NXPE2: variants seen among roughly 807,000 people sequenced by gnomAD.
NXPE2 encodes NXPE family member 2.
A neutral mutation model predicts 34.4 loss-of-function variants in NXPE2; 34 were observed. That is an observed-to-expected ratio of 0.99 (90% CI 0.75 to 1.31). The LOEUF (loss-of-function observed/expected upper bound fraction) is 1.31. NXPE2 is among the 40% of genes most tolerant of loss of function. NXPE2 has a pLI of 0.00. For synonymous variants in NXPE2, 235 were observed against 231.3 expected, an observed-to-expected ratio of 1.02 and a Z score of -0.15; for missense variants, 649 against 672.5, an observed-to-expected ratio of 0.97 and a Z score of 0.39.
the NXPE2 span, among the ~76,000 whole-genome samples, chr11:114,723,925 TCTC>T: frequency 4.6e-5 from 7 of 152,172 alleles, no homozygotes; most frequent in Non-Finnish European, 1.0e-4. Context: ...AACCGAACCC[TCTC>T]CTATTTTGCT....
the NXPE2 span, among the ~76,000 whole-genome samples, chr11:114,627,066 G>T: frequency 6.6e-6 from 1 of 152,040 alleles, no homozygotes; most frequent in Non-Finnish European, 1.5e-5. Flanking sequence ...AAGTGACGGG[G>T]TGAATGGAAC....
chr11:114,560,425 C>T, the NXPE2 span, among the ~76,000 whole-genome samples: 1 of 151,754 alleles, frequency 6.6e-6, no homozygotes, highest in Non-Finnish European at 1.5e-5. Context: ...CCACACCTGG[C>T]TAATATTTTT....
chr11:114,811,718 G>C, the NXPE2 span, among the ~76,000 whole-genome samples: 1 of 152,286 alleles, frequency 6.6e-6, no homozygotes, highest in Admixed American at 6.5e-5. Flanking sequence ...CAGGATCCAG[G>C]CACCAATACT....
the NXPE2 span, among the ~76,000 whole-genome samples, chr11:114,633,506 A>G: frequency 6.6e-6 from 1 of 150,718 alleles, no homozygotes; most frequent in African/African-American, 2.4e-5. Context: ...GTACATGTGC[A>G]CAATGTGCAG....
At chr11:114,587,746 C>CT in the NXPE2 span, among the ~76,000 whole-genome samples, 4 of 152,260 alleles carry the variant, frequency 2.6e-5, no homozygotes, top group South Asian at 4.1e-4. Flanking sequence ...AAAGGGACAC[C>CT]TTTTTTCTTG....
chr11:114,687,820 G>T (rs1270512942), intron 2 of NXPE2, among the ~76,000 whole-genome samples: 3 of 151,744 alleles, frequency 2.0e-5, no homozygotes, highest in Admixed American at 1.3e-4. Context: ...TCACCTCCTT[G>T]GTTAGATGTA....
At chr11:114,549,687 A>G in the NXPE2 span, among the ~76,000 whole-genome samples, 7 of 152,236 alleles carry the variant, frequency 4.6e-5, no homozygotes, top group African/African-American at 1.4e-4. Context: ...AAGGATGCCT[A>G]CTATCTCATT....
chr11:114,604,377 C>T, the NXPE2 span, among the ~76,000 whole-genome samples: 2 of 151,968 alleles, frequency 1.3e-5, no homozygotes, highest in Admixed American at 6.6e-5. Flanking sequence ...AGTGTTGCCT[C>T]GTGGGTAACC....
the NXPE2 span, among the ~76,000 whole-genome samples, chr11:114,809,882 A>C: frequency 2.2e-5 from 3 of 138,184 alleles, no homozygotes; most frequent in Non-Finnish European, 4.7e-5. Context: ...CACATCGCCA[A>C]GTCAATCCTA....
the NXPE2 span, among the ~76,000 whole-genome samples, chr11:114,589,834 AC>A: frequency 2.1e-4 from 32 of 152,226 alleles, no homozygotes; most frequent in East Asian, 9.7e-4. Context: ...TCCCTACAAC[AC>A]CCCAATATTA....
upstream of NXPE2, among the ~76,000 whole-genome samples, chr11:114,674,765 C>A (rs1235624086): frequency 6.6e-6 from 1 of 151,784 alleles, no homozygotes; most frequent in African/African-American, 2.4e-5. Context: ...CTCTTCCAAA[C>A]AATTGAAGTA....
chr11:114,677,899 G>A (rs1950876348), upstream of NXPE2, among the ~76,000 whole-genome samples: 2 of 152,034 alleles, frequency 1.3e-5, no homozygotes, highest in South Asian at 4.1e-4. Flanking sequence ...TGTGACCACT[G>A]AAAATCCTTA....
At chr11:114,469,582 C>T in the NXPE2 span, among the ~76,000 whole-genome samples, 8 of 151,086 alleles carry the variant, frequency 5.3e-5, no homozygotes, top group Non-Finnish European at 8.9e-5. Context: ...CTCCGCCTCC[C>T]GGGTTCAAGC....
chr11:114,613,637 C>A, the NXPE2 span, among the ~76,000 whole-genome samples: 2 of 150,888 alleles, frequency 1.3e-5, no homozygotes, highest in African/African-American at 4.9e-5. Flanking sequence ...CACTGGATAA[C>A]AAGTGTTGCC....
chr11:114,739,408 C>A, the NXPE2 span, among the ~76,000 whole-genome samples: 1 of 137,420 alleles, frequency 7.3e-6, no homozygotes, highest in South Asian at 2.5e-4. Flanking sequence ...CCCTCCCTCG[C>A]TCCTTCCCTT....
chr11:114,793,610 G>T, the NXPE2 span, among the ~76,000 whole-genome samples: 1 of 152,234 alleles, frequency 6.6e-6, no homozygotes, highest in Admixed American at 6.5e-5. Context: ...GAGCAGAGAA[G>T]ATTGGGTAGT....
the NXPE2 span, among the ~76,000 whole-genome samples, chr11:114,625,229 A>T: frequency 5.3e-5 from 8 of 152,304 alleles, no homozygotes; most frequent in South Asian, 1.7e-3. Context: ...GTTGGATAAT[A>T]CGTATTGCCT....
At chr11:114,537,437 G>C in the NXPE2 span, among the ~76,000 whole-genome samples, 5 of 152,096 alleles carry the variant, frequency 3.3e-5, no homozygotes, top group Non-Finnish European at 7.4e-5. Flanking sequence ...CCAAGAAAAT[G>C]AGGCAGGAGA....
chr11:114,644,290 C>T, the NXPE2 span, among the ~76,000 whole-genome samples: 7 of 152,182 alleles, frequency 4.6e-5, no homozygotes, highest in East Asian at 1.9e-4. Flanking sequence ...TCCAATACTA[C>T]GTTGAATAGG....
Sources: allele counts gnomAD v4.1 joint callset (sites outside exome capture counted in the v4.1 genomes callset), GRCh38; gene constraint gnomAD v4.1.1; transcripts MANE v1.5; gene names NCBI Gene and HGNC (gene_info 2026-07-23, HGNC 2026-07-21).